Variants in DPP10 observed in about 807,000 individuals in gnomAD.
DPP10 encodes the protein inactive dipeptidyl peptidase 10.
A neutral mutation model predicts 120.9 loss-of-function variants in DPP10; 33 were observed. That is an observed-to-expected ratio of 0.27 (90% CI 0.21 to 0.37). The LOEUF (loss-of-function observed/expected upper bound fraction) is 0.37. Ranked by LOEUF, DPP10 falls within the 10% of genes least tolerant of loss-of-function variation. The pLI is 1.00. For missense variants in DPP10, 816 were observed against 942.8 expected, an observed-to-expected ratio of 0.87 and a Z score of 1.76; for synonymous variants, 337 against 326.1, an observed-to-expected ratio of 1.03 and a Z score of -0.36.
At chr2:114,629,168 T>C (rs1007794940) in intron 1 of DPP10, among the ~76,000 whole-genome samples, 1 of 150,656 alleles carries the variant, frequency 6.6e-6, no homozygotes, top group Non-Finnish European at 1.5e-5. Flanking sequence ...GTTGATAAGA[T>C]AAAAGCTTTA....
chr2:114,716,860 C>A (rs921793608), intron 1 of DPP10, among the ~76,000 whole-genome samples: 1 of 152,152 alleles, frequency 6.6e-6, no homozygotes, highest in Non-Finnish European at 1.5e-5. Context: ...CAGTTATTAG[C>A]ATCATTAACT....
At chr2:115,483,842 C>T (rs919830694) in intron 3 of DPP10, among the ~76,000 whole-genome samples, 2 of 152,070 alleles carry the variant, frequency 1.3e-5, no homozygotes, top group African/African-American at 2.4e-5. Context: ...TCTCCCAGGG[C>T]GTATATCTAT....
chr2:115,653,031 CAG>C (rs1424519103), intron 5 of DPP10, among the ~76,000 whole-genome samples: 5 of 150,902 alleles, frequency 3.3e-5, no homozygotes, highest in Admixed American at 1.3e-4. Flanking sequence ...TACAGAGACA[CAG>C]GGGGAAAGCA....
At chr2:115,117,787 C>T (rs1040858746) in intron 1 of DPP10, among the ~76,000 whole-genome samples, 1 of 152,102 alleles carries the variant, frequency 6.6e-6, no homozygotes, top group Non-Finnish European at 1.5e-5. Flanking sequence ...ACAGATACAA[C>T]TAGACAAGGA....
chr2:115,486,794 T>A (rs1020442898), intron 3 of DPP10, among the ~76,000 whole-genome samples: 1 of 152,132 alleles, frequency 6.6e-6, no homozygotes, highest in Admixed American at 6.6e-5. Flanking sequence ...AAGAATGAAA[T>A]GGTCGTGTGA....
At chr2:114,821,101 AC>A (rs1488537020) in intron 1 of DPP10, among the ~76,000 whole-genome samples, 1 of 152,198 alleles carries the variant, frequency 6.6e-6, no homozygotes, top group African/African-American at 2.4e-5. Flanking sequence ...TGCCAAGGAT[AC>A]CAGCCAGTTT....
intron 1 of DPP10, among the ~76,000 whole-genome samples, chr2:114,892,048 AC>A (rs1396147588): frequency 1.3e-5 from 2 of 151,872 alleles, no homozygotes; most frequent in African/African-American, 4.8e-5. Context: ...ACTTACCCTT[AC>A]CCCCACCATG....
At chr2:114,477,917 G>A (rs991592825) in intron 1 of DPP10, among the ~76,000 whole-genome samples, 3 of 143,628 alleles carry the variant, frequency 2.1e-5, no homozygotes, top group East Asian at 2.1e-4. Context: ...GTACATATAT[G>A]TGTATATATG....
intron 1 of DPP10, among the ~76,000 whole-genome samples, chr2:114,818,707 A>G (rs1685841671): frequency 1.3e-5 from 2 of 152,178 alleles, no homozygotes; most frequent in Non-Finnish European, 2.9e-5. Flanking sequence ...TGTTCAGTAG[A>G]TGACATCTGC....
chr2:115,459,861 A>G (rs2073876537), intron 3 of DPP10, among the ~76,000 whole-genome samples: 1 of 150,916 alleles, frequency 6.6e-6, no homozygotes, highest in Non-Finnish European at 1.5e-5. Context: ...GGAAAGGACT[A>G]CCATGTTATT....
intron 3 of DPP10, among the ~76,000 whole-genome samples, chr2:115,432,659 T>TTGTGTGTGTGTG (rs59844767): frequency 0.026 from 3,631 of 137,652 alleles, 82 homozygotes; most frequent in Middle Eastern, 0.05. Flanking sequence ...ATAGGCAATT[T>TTGTGTGTGTGTG]TGTGTGTGTG....
chr2:114,986,755 T>C (rs778788451), intron 1 of DPP10, among the ~76,000 whole-genome samples: 1 of 152,180 alleles, frequency 6.6e-6, no homozygotes, highest in Non-Finnish European at 1.5e-5. Flanking sequence ...AAATTAATTG[T>C]TGTAGGACAG....
At chr2:114,885,526 A>G (rs1050149740) in intron 1 of DPP10, among the ~76,000 whole-genome samples, 6 of 152,178 alleles carry the variant, frequency 3.9e-5, no homozygotes, top group Non-Finnish European at 5.9e-5. Context: ...ATGGGAAGAA[A>G]CTTATTTTCT....
At chr2:114,896,383 A>C (rs2106634126) in intron 1 of DPP10, among the ~76,000 whole-genome samples, 1 of 152,082 alleles carries the variant, frequency 6.6e-6, no homozygotes, top group African/African-American at 2.4e-5. Flanking sequence ...ATGTTCTTCC[A>C]TTTTTTTCGT....
chr2:115,134,437 A>T (rs900288471), intron 1 of DPP10, among the ~76,000 whole-genome samples: 2 of 152,226 alleles, frequency 1.3e-5, no homozygotes, highest in Non-Finnish European at 2.9e-5. Flanking sequence ...TATTCAAAAC[A>T]ATCATATGAA....
At chr2:114,929,474 C>T (rs186961424) in intron 1 of DPP10, among the ~76,000 whole-genome samples, 1 of 152,170 alleles carries the variant, frequency 6.6e-6, no homozygotes, top group Non-Finnish European at 1.5e-5. Context: ...AGGCCTCCCC[C>T]TGGGAATGCA....
Position 114,572,548 on chromosome 2 carries a change from A to C in DPP10, c.60+129710A>C, listed in dbSNP as rs116292462. On this transcript the variant is annotated intron_variant, in intron 1 of 25. Coordinates refer to ENST00000410059, the MANE Select transcript of DPP10 (RefSeq NM_020868.6). ...TGAGAAACATGATCAGAAGAGGCAG[A>C]TCTCTCCACCCTATTCAATCTGTCC... Among the ~76,000 whole-genome samples the C allele has an allele frequency of 6.2e-3, 943 of 152,346 alleles. 15 individuals are homozygous for C. The highest frequency in any genetic ancestry group is 0.021 in the African/African-American group (870 of 41,584).
chr2:114,777,656 A>C (rs984126896), intron 1 of DPP10, among the ~76,000 whole-genome samples: 1 of 152,118 alleles, frequency 6.6e-6, no homozygotes, highest in African/African-American at 2.4e-5. Context: ...AATATAAAGT[A>C]GTATTTAAAT....
At chr2:115,033,893 CTTTTTTTTTTTTT>C (rs965717193) in intron 1 of DPP10, among the ~76,000 whole-genome samples, 2 of 89,862 alleles carry the variant, frequency 2.2e-5, no homozygotes, top group African/African-American at 4.4e-5. Context: ...TTTTCTTTTT[CTTTTTTTTTTTTT>C]TTTTTTTTTT....
Sources: gnomAD v4.1 joint callset for allele counts (sites outside exome capture counted in the v4.1 genomes callset) on GRCh38, gnomAD v4.1.1 for gene constraint, MANE v1.5 for transcripts, NCBI Gene and HGNC (gene_info 2026-07-23, HGNC 2026-07-21) for gene names.